The following CFAP97 variants were observed in gnomAD, a reference collection of about 807,000 sequenced individuals.
CFAP97 encodes cilia- and flagella-associated protein 97.
In CFAP97, 36 loss-of-function variants were observed where a neutral mutation model predicts 43.1. That is an observed-to-expected ratio of 0.84 (90% CI 0.64 to 1.10). The LOEUF (loss-of-function observed/expected upper bound fraction) is 1.10. CFAP97 is among the 50% of genes least tolerant of loss of function. The pLI, the probability that CFAP97 is intolerant of heterozygous loss-of-function variation, is 0.00. For missense variants in CFAP97, 657 were observed against 620.3 expected (o/e 1.06, Z -0.63); for synonymous variants, 228 against 225.7 (o/e 1.01, Z -0.09).
At chr4:185,179,065 C>CGAGAA in intron 2 of CFAP97, among the ~76,000 whole-genome samples, 3 of 152,238 alleles carry the variant, frequency 2.0e-5, no homozygotes, top group African/African-American at 7.2e-5. Context: ...AGAGCCAAGA[C>CGAGAA]TTAACGGGGT....
chr4:185,209,754 C>G, upstream of CFAP97: 3 of 984,060 alleles, frequency 3.0e-6, no homozygotes, highest in Non-Finnish European at 3.6e-6. The surrounding 1 kb of genome is among the most constrained non-coding windows in gnomAD (Gnocchi z 5.2). Context: ...CGCGGGCTCC[C>G]CCTGCCTCCG....
chr4:185,161,450 C>T lies in CFAP97; in HGVS notation c.*1348G>A, dbSNP rs1014598214. 3 of 152,074 alleles carry T rather than the reference C, an allele frequency of 2.0e-5. No homozygotes were observed. Among genetic ancestry groups the T allele is most frequent in the Non-Finnish European group, 4.4e-5 (3 of 68,024 alleles). 9.4% of individuals were successfully genotyped at this position (152,074 alleles called of 1,614,324 possible). On this transcript the variant is annotated 3_prime_UTR_variant, in exon 5 of 5. Transcript: ENST00000458385. ...AAAAATGAAAATCTTATTGTGGCTA[C>T]AGATCAAAAATTCATACTGAAAAAG...
intron 1 of CFAP97, among the ~76,000 whole-genome samples, chr4:185,191,439 C>T (rs1007301668): frequency 2.0e-5 from 3 of 152,166 alleles, no homozygotes; most frequent in Admixed American, 2.0e-4. Context: ...TAGTTAAGTT[C>T]ACAAGAAAAT....
chr4:185,207,357 C>G (rs935696318), upstream of CFAP97, among the ~76,000 whole-genome samples: 3 of 151,948 alleles, frequency 2.0e-5, no homozygotes, highest in East Asian at 5.8e-4. Context: ...GCTGGGACTA[C>G]AGGCGCACAC....
At chr4:185,205,870 A>G (rs1737166962), upstream of CFAP97, among the ~76,000 whole-genome samples, 1 of 152,222 alleles carries the variant, frequency 6.6e-6, no homozygotes, top group African/African-American at 2.4e-5. Flanking sequence ...TATCTTACAA[A>G]GGACTTGAGT....
chr4:185,209,787 G>C, upstream of CFAP97: 1 of 984,032 alleles, frequency 1.0e-6, no homozygotes. This position sits in a 1 kb window ranked among gnomAD's most constrained non-coding sequence, Gnocchi z 5.2. Context: ...GGGACCGGGG[G>C]GCAGGAGATG....
intron 3 of CFAP97, 35 bp downstream of exon 3, chr4:185,175,751 A>G (rs1200444537): frequency 1.3e-6 from 2 of 1,595,352 alleles, no homozygotes; most frequent in Non-Finnish European, 1.7e-6. Context: ...GTGCAAACAC[A>G]TTTTCTTTGA....
intron 2 of CFAP97, among the ~76,000 whole-genome samples, chr4:185,177,924 G>T (rs1315878791): frequency 1.3e-5 from 2 of 152,106 alleles, no homozygotes; most frequent in Non-Finnish European, 2.9e-5. Context: ...CACAAAAATT[G>T]TAACTCTACT....
chr4:185,195,921 C>T (rs1736517895), intron 1 of CFAP97, among the ~76,000 whole-genome samples: 1 of 152,162 alleles, frequency 6.6e-6, no homozygotes, highest in Admixed American at 6.5e-5. Flanking sequence ...GTGGATACCC[C>T]ACAGTGTAAT....
Position 185,169,931 on chromosome 4 carries a change from T to G in CFAP97, c.1321-5752A>C, listed in dbSNP as rs368235795. The G allele has an allele frequency of 3.9e-5, 39 of 1,000,902 alleles. No individual in the cohort carries two copies. The East Asian group carries it at 1.1e-3, about 28-fold the overall frequency. The allele number at this position is 1,000,902 out of a possible 1,614,324, so 62.0% of individuals were successfully genotyped here. On this transcript the variant is annotated intron_variant, in intron 3 of 4. Coordinates refer to ENST00000458385, the MANE Select transcript of CFAP97 (RefSeq NM_020827.3). The stretch of plus-strand genomic sequence containing the variant: ...GTAAAGTATACATTATTTCAAGATC[T>G]TAGAACAAAAGTACTGTTAATCAAC...
At chr4:185,186,212 C>T (rs1369616493) in intron 2 of CFAP97, among the ~76,000 whole-genome samples, 2 of 152,096 alleles carry the variant, frequency 1.3e-5, no homozygotes, top group Non-Finnish European at 2.9e-5. Context: ...GCAGGTGGAT[C>T]ACCTGAGGTC....
rs771430753 is a variant in CFAP97, at chr4:185,190,203, C to A, written c.994G>T (p.Asp332Tyr). The stretch of plus-strand genomic sequence containing the variant: ...AAGACTTTCTGTTTATGTCTGTGGT[C>A]TAAACTGGAGTCTAACACTGAAGAC... ...KSSSVLDSSL[D>Y]HRHKQKVLHD... Residue 332 changes from aspartate (D) to tyrosine (Y), a missense_variant, in exon 2 of 5, where the codon GAC (aspartate) becomes TAC (tyrosine). Asp to Tyr is a radical substitution (Grantham distance 160). Coordinates refer to ENST00000458385, the MANE Select transcript of CFAP97 (RefSeq NM_020827.3). 11 of 1,611,024 alleles carry A rather than the reference C, an allele frequency of 6.8e-6. No homozygotes were observed. The highest frequency in any genetic ancestry group is 9.3e-6 in the Non-Finnish European group (11 of 1,179,044).
chr4:185,167,484 A>C lies in CFAP97; in HGVS notation c.1321-3305T>G, dbSNP rs1051455941. ...TATCTCAAACAAACAAACAAACAAAAAATTTCAAAATGCTGTAACGATTGT... is the reference window on the plus strand; with the variant it reads ...TATCTCAAACAAACAAACAAACAAACAATTTCAAAATGCTGTAACGATTGT... On this transcript the variant is annotated intron_variant, in intron 3 of 4. Transcript: ENST00000458385. Among the ~76,000 whole-genome samples, 5 of 152,048 alleles carry C rather than the reference A, an allele frequency of 3.3e-5. No homozygotes were observed. In the East Asian group the frequency reaches 5.8e-4, roughly 18 times the overall value.
Position 185,163,004 on chromosome 4 carries a change from T to C in CFAP97, c.1472-79A>G, listed in dbSNP as rs1734926879. 3.8e-6 allele frequency: 5 copies of C among 1,315,166 alleles called. No individual in the cohort carries two copies. In the Admixed American group the frequency reaches 1.2e-4, roughly 33 times the overall value. The allele number at this position is 1,315,166 out of a possible 1,614,324, so 81.5% of individuals were successfully genotyped here. On this transcript the variant is annotated intron_variant, in intron 4 of 4. Transcript: ENST00000458385. Reference sequence around the variant, plus strand: ...AGACTAGTTTTTCTTCCACATTCTATGTGTGTCTAATAGTCTAATGCTATG... The same window carrying C: ...AGACTAGTTTTTCTTCCACATTCTACGTGTGTCTAATAGTCTAATGCTATG...
At chr4:185,168,579 CAGAA>C (rs1190801958) in intron 3 of CFAP97, among the ~76,000 whole-genome samples, 4 of 151,730 alleles carry the variant, frequency 2.6e-5, no homozygotes, top group African/African-American at 7.3e-5. Flanking sequence ...GCCTGGGAGA[CAGAA>C]AGACTCTGTC....
chr4:185,169,612 G>GA (rs916858800), intron 3 of CFAP97: 8 of 982,822 alleles, frequency 8.1e-6, no homozygotes, highest in African/African-American at 7.0e-5. Context: ...ATTCTCTTTG[G>GA]AAAAAAAATT....
At chr4:185,163,813 T>C (rs554759527) in intron 4 of CFAP97, among the ~76,000 whole-genome samples, 2 of 152,172 alleles carry the variant, frequency 1.3e-5, no homozygotes, top group Non-Finnish European at 2.9e-5. Context: ...ATATTTTTGA[T>C]TGTTTTATCT....
In CFAP97 at chr4:185,161,830, G is replaced by T. The variant is rs987360185; in HGVS notation, c.*968C>A. On this transcript the variant is annotated 3_prime_UTR_variant, in exon 5 of 5. Coordinates refer to ENST00000458385, the MANE Select transcript of CFAP97 (RefSeq NM_020827.3). ...TTTGTTCAAATTTTAGTTTTTTCAG[G>T]CCTTATAAATACTTGCTGGAATTTC... 1 of 152,056 alleles carries T rather than the reference G, an allele frequency of 6.6e-6. No individual in the cohort carries two copies. The highest frequency in any genetic ancestry group is 1.5e-5 in the Non-Finnish European group (1 of 68,002). 9.4% of individuals were successfully genotyped at this position (152,056 alleles called of 1,614,324 possible). A position where few individuals can be genotyped will look rare whatever the true frequency, so the allele number is the denominator to read the frequency against.
At chr4:185,169,168 T>C (rs1389196261) in intron 3 of CFAP97, 1 of 152,194 alleles carries the variant, frequency 6.6e-6, no homozygotes, top group African/African-American at 2.4e-5. Flanking sequence ...GTACAGCATG[T>C]TGACTATAGT....
Sources: allele counts gnomAD v4.1 joint callset (sites outside exome capture counted in the v4.1 genomes callset), GRCh38; gene constraint gnomAD v4.1.1; non-coding constraint Gnocchi (gnomAD v3.1); transcripts MANE v1.5; gene names NCBI Gene and HGNC (gene_info 2026-07-23, HGNC 2026-07-21).